Variants in AP1B1 observed in about 807,000 individuals in gnomAD.
AP1B1 encodes adaptor related protein complex 1 subunit beta 1.
A neutral mutation model predicts 104.3 loss-of-function variants in AP1B1; 36 were observed. The observed-to-expected ratio is 0.35, with a 90% CI of 0.26 to 0.46. The LOEUF (loss-of-function observed/expected upper bound fraction) is 0.46. Among genes scored for constraint, AP1B1 ranks in the 20% least tolerant of loss-of-function variants. The probability of loss-of-function intolerance (pLI) is 1.00; values close to 1 mark genes in which losing one functional copy is unlikely to be tolerated. For synonymous variants in AP1B1, 504 were observed against 517.5 expected (o/e 0.97, Z 0.35); for missense variants, 901 against 1,247.9 (o/e 0.72, Z 4.19).
At chr22:29,383,753 G>A (rs1420501902) in intron 1 of AP1B1, among the ~76,000 whole-genome samples, 4 of 149,032 alleles carry the variant, frequency 2.7e-5, no homozygotes, top group East Asian at 2.0e-4. Flanking sequence ...TTCCAGCTCC[G>A]AGTCCACAGG....
intron 1 of AP1B1, among the ~76,000 whole-genome samples, chr22:29,374,750 C>A (rs1404122728): frequency 6.6e-6 from 1 of 152,166 alleles, no homozygotes; most frequent in African/African-American, 2.4e-5. Context: ...ACCCGTTGAC[C>A]CAGTAATTCT....
chr22:29,331,824 C>G lies in AP1B1; in HGVS notation c.2402G>C (p.Gly801Ala), dbSNP rs922218153. 7.4e-6 allele frequency: 12 copies of G among 1,612,948 alleles called. No individual in the cohort carries two copies. Among genetic ancestry groups the G allele is most frequent in the East Asian group, 2.2e-5 (1 of 44,784 alleles). The change falls in exon 18 of 23, where the codon GGC becomes GCC. Residue 801 changes from glycine to alanine, a missense_variant. Around this residue, in one of 3 missense-constraint regions of AP1B1, gnomAD observed 424 missense variants for 494.0 expected, o/e 0.86. Transcript: ENST00000357586. ...CAGAGGCTCCATCTTCATGACCGAG[C>G]CCACCGTGCTGAGAGGCAGGGAGAT... ...VEISLPLSTV[G>A]SVMKMEPLNN...
chr22:29,331,593 G>C, intron 18 of AP1B1, 60 bp from the exon 19 acceptor site: 1 of 1,599,854 alleles, frequency 6.3e-7, no homozygotes, highest in Non-Finnish European at 8.6e-7. Flanking sequence ...TGAGGCCCCA[G>C]GAAGAGTGTC....
At chr22:29,346,684 C>T (rs1166609735) in intron 11 of AP1B1, among the ~76,000 whole-genome samples, 1 of 152,114 alleles carries the variant, frequency 6.6e-6, no homozygotes, top group African/African-American at 2.4e-5. Context: ...GCAGTGATCC[C>T]AGGCAGGACT....
chr22:29,380,260 T>C (rs551645920), intron 1 of AP1B1, among the ~76,000 whole-genome samples: 5 of 152,290 alleles, frequency 3.3e-5, no homozygotes, highest in Middle Eastern at 3.4e-3. Flanking sequence ...CTCCTTTGCT[T>C]GTTCCTCTCC....
chr22:29,330,427 A>G lies in AP1B1; in HGVS notation c.2717T>C (p.Ile906Thr). Reference protein sequence around the residue: ...LYQSLKLTNGIWVLAELRIQP... With the variant: ...LYQSLKLTNGTWVLAELRIQP... ...GATCCGCAGCTCCGCCAGCACCCAGATGCCGTTGGTCAGCTTCAGGGACTG... is the reference window on the plus strand; with the variant it reads ...GATCCGCAGCTCCGCCAGCACCCAGGTGCCGTTGGTCAGCTTCAGGGACTG... The change falls in exon 21 of 23, where the codon ATC (isoleucine) becomes ACC (threonine). Residue 906 changes from isoleucine to threonine, a missense_variant. This residue lies in a region of AP1B1 where 424 missense variants were observed against 494.0 expected (regional missense o/e 0.86). Transcript: ENST00000357586. 6.2e-7 allele frequency: 1 copy of G among 1,613,850 alleles called. No homozygotes were observed. Among genetic ancestry groups the G allele is most frequent in the South Asian group, 1.1e-5 (1 of 91,092 alleles).
chr22:29,378,466 T>G (rs1341957427), intron 1 of AP1B1, among the ~76,000 whole-genome samples: 2 of 148,964 alleles, frequency 1.3e-5, no homozygotes, highest in African/African-American at 5.0e-5. Context: ...GGTGGGAAGA[T>G]TGCTTGAGCC....
chr22:29,351,238 G>T lies in AP1B1; in HGVS notation c.1088C>A (p.Thr363Lys). The change falls in exon 9 of 23, where the codon ACA becomes AAA. Residue 363 changes from threonine (T) to lysine (K), a missense_variant. This residue lies in a region of AP1B1 where 471 missense variants were observed against 696.7 expected (regional missense o/e 0.68). Coordinates refer to ENST00000357586, the MANE Select transcript of AP1B1 (RefSeq NM_001127.4). Reference protein sequence around the residue: ...QVLAELKEYATEVDVDFVRKA... With the variant: ...QVLAELKEYAKEVDVDFVRKA... ...CCGTACAAAGTCCACATCCACTTCTGTTGCGTACTCTTTCAGCTCTGCCAA... is the reference window on the plus strand; with the variant it reads ...CCGTACAAAGTCCACATCCACTTCTTTTGCGTACTCTTTCAGCTCTGCCAA... 6.2e-7 allele frequency: 1 copy of T among 1,614,208 alleles called. No individual in the cohort carries two copies. Among genetic ancestry groups the T allele is most frequent in the Non-Finnish European group, 8.5e-7 (1 of 1,180,046 alleles).
chr22:29,342,169 C>T (rs1020311485), intron 12 of AP1B1, 116 bp downstream of exon 12: 3 of 837,908 alleles, frequency 3.6e-6, no homozygotes, highest in Admixed American at 5.2e-5. Context: ...CCAGTCCCAC[C>T]CACAAGATAC....
intron 7 of AP1B1, among the ~76,000 whole-genome samples, chr22:29,353,119 C>T (rs1344695710): frequency 6.6e-6 from 1 of 152,068 alleles, no homozygotes; most frequent in Non-Finnish European, 1.5e-5. Context: ...GAGAGTGGGG[C>T]GAGAATCCTC....
At chr22:29,354,254 C>T (rs980697512) in intron 7 of AP1B1, among the ~76,000 whole-genome samples, 1 of 152,226 alleles carries the variant, frequency 6.6e-6, no homozygotes, top group African/African-American at 2.4e-5. Flanking sequence ...ACTATGAAGA[C>T]AATATCTAGT....
At chr22:29,369,656 C>T (rs1484845838) in intron 1 of AP1B1, among the ~76,000 whole-genome samples, 2 of 152,158 alleles carry the variant, frequency 1.3e-5, no homozygotes, top group Admixed American at 6.5e-5. Flanking sequence ...AGCTCCCGTT[C>T]GCCCTCCTCT....
intron 3 of AP1B1, among the ~76,000 whole-genome samples, chr22:29,362,288 T>A (rs2062061406): frequency 6.6e-6 from 1 of 152,146 alleles, no homozygotes; most frequent in African/African-American, 2.4e-5. Context: ...AGTGTTTGTT[T>A]AATATCATCT....
chr22:29,372,328 G>GT (rs1242505176), intron 1 of AP1B1, among the ~76,000 whole-genome samples: 1 of 151,624 alleles, frequency 6.6e-6, no homozygotes, highest in African/African-American at 2.4e-5. Context: ...GGAGGCTGAG[G>GT]TAGGGGAATC....
chr22:29,374,692 A>C (rs1230058239), intron 1 of AP1B1, among the ~76,000 whole-genome samples: 1 of 152,230 alleles, frequency 6.6e-6, no homozygotes, highest in Non-Finnish European at 1.5e-5. Flanking sequence ...GAAACGCTAC[A>C]ACCTCTGAAG....
At chr22:29,357,175 T>C (rs2061972559) in intron 5 of AP1B1, among the ~76,000 whole-genome samples, 2 of 152,226 alleles carry the variant, frequency 1.3e-5, no homozygotes, top group South Asian at 4.1e-4. Flanking sequence ...GTGATTCTCA[T>C]GCCTCAGCCT....
intron 4 of AP1B1, among the ~76,000 whole-genome samples, chr22:29,359,365 C>T (rs2062009349): frequency 6.6e-6 from 1 of 152,164 alleles, no homozygotes; most frequent in Admixed American, 6.5e-5. Context: ...CGAGCACGGA[C>T]AGGACTCAGG....
intron 10 of AP1B1, 114 bp from the exon 11 acceptor site, chr22:29,349,497 C>A: frequency 9.2e-7 from 1 of 1,091,086 alleles, no homozygotes; most frequent in Admixed American, 2.5e-5. Flanking sequence ...CCCAAGGTGG[C>A]AGGTAAAGGG....
At position 29,349,239 on chromosome 22, in the gene AP1B1, G is replaced by A. The variant is rs2061836693; in HGVS notation, c.1416C>T (p.Gly472=). ...TCACCTGTGTGCTCTCGTCATGGAA[G>A]CCCTCGAGGAAGCTCTCCAGCAGCT... ...ADELLESFLE[G]FHDESTQVQL... is the part of the protein sequence containing the mutation. The change falls in exon 11 of 23, where the codon GGC becomes GGT. Residue 472 remains glycine, a synonymous_variant. Transcript: ENST00000357586. 1 of 1,613,288 alleles carries A rather than the reference G, an allele frequency of 6.2e-7. No homozygotes were observed. Among genetic ancestry groups the A allele is most frequent in the Non-Finnish European group, 8.5e-7 (1 of 1,180,048 alleles).
Sources: allele counts gnomAD v4.1 joint callset (sites outside exome capture counted in the v4.1 genomes callset), GRCh38; gene constraint gnomAD v4.1.1; regional missense constraint gnomAD v4.1.1; transcripts MANE v1.5; gene names NCBI Gene and HGNC (gene_info 2026-07-23, HGNC 2026-07-21).